RBM20: variants seen among roughly 807,000 people sequenced by gnomAD.
RBM20 encodes RNA-binding protein 20.
In RBM20, 51 loss-of-function variants were observed where a neutral mutation model predicts 110.1. The observed-to-expected ratio is 0.46, with a 90% CI of 0.37 to 0.59. RBM20 has a LOEUF of 0.59. Ranked by LOEUF, RBM20 falls within the 20% of genes least tolerant of loss-of-function variation. The probability of loss-of-function intolerance (pLI) is 0.00; values close to 1 mark genes in which losing one functional copy is unlikely to be tolerated. For missense variants in RBM20, 1,512 were observed against 1,574.9 expected (o/e 0.96, Z 0.68); for synonymous variants, 589 against 618.2 (o/e 0.95, Z 0.70).
At chr10:110,684,434 A>G (rs1258914156) in intron 1 of RBM20, among the ~76,000 whole-genome samples, 1 of 145,086 alleles carries the variant, frequency 6.9e-6, no homozygotes, top group Non-Finnish European at 1.5e-5. Context: ...CAAAAGAAAA[A>G]GAAAAAGAAA....
intron 1 of RBM20, among the ~76,000 whole-genome samples, chr10:110,705,432 C>G (rs1862821272): frequency 6.6e-6 from 1 of 152,224 alleles, no homozygotes; most frequent in African/African-American, 2.4e-5. Flanking sequence ...TGTGCTATCA[C>G]TGTTTATACC....
intron 1 of RBM20, among the ~76,000 whole-genome samples, chr10:110,664,413 C>T (rs905236370): frequency 1.3e-5 from 2 of 152,164 alleles, no homozygotes; most frequent in African/African-American, 2.4e-5. Flanking sequence ...TTACATACAT[C>T]AAATATATTA....
At chr10:110,823,704 A>C in intron 12 of RBM20, 90 bp downstream of exon 12, 2 of 1,412,056 alleles carry the variant, frequency 1.4e-6, no homozygotes, top group Non-Finnish European at 1.9e-6. Flanking sequence ...GCTTTTTGGC[A>C]TTTTGTTGTT....
intron 1 of RBM20, among the ~76,000 whole-genome samples, chr10:110,697,893 C>A (rs1862689208): frequency 6.7e-6 from 1 of 150,100 alleles, no homozygotes; most frequent in Non-Finnish European, 1.5e-5. Context: ...GAAACAGGGG[C>A]CTTGTTTCTT....
chr10:110,822,399 C>G (rs1290724377), intron 11 of RBM20: 1 of 458,690 alleles, frequency 2.2e-6, no homozygotes, highest in Non-Finnish European at 4.4e-6. Flanking sequence ...TGTTCCCCTT[C>G]TTACTACCTC....
At chr10:110,708,868 A>G (rs1392457053) in intron 1 of RBM20, among the ~76,000 whole-genome samples, 1 of 152,140 alleles carries the variant, frequency 6.6e-6, no homozygotes, top group East Asian at 1.9e-4. Context: ...AATGGCTTGG[A>G]ATGATTGAGA....
intron 12 of RBM20, among the ~76,000 whole-genome samples, chr10:110,825,674 A>G (rs1034246366): frequency 2.6e-5 from 4 of 152,224 alleles, no homozygotes; most frequent in African/African-American, 7.2e-5. Flanking sequence ...CGTAAAAGCT[A>G]TGCTATAAAT....
intron 1 of RBM20, among the ~76,000 whole-genome samples, chr10:110,709,670 G>A (rs1862894355): frequency 6.6e-6 from 1 of 151,244 alleles, no homozygotes; most frequent in South Asian, 2.1e-4. Flanking sequence ...GAGCTCAGGT[G>A]ATCCTCCCTT....
chr10:110,763,751 C>CCTTTTTTTTTTTTTTTTT (rs1554896903), intron 1 of RBM20, among the ~76,000 whole-genome samples: 1 of 64,384 alleles, frequency 1.6e-5, no homozygotes, highest in African/African-American at 6.3e-5. Context: ...GGCTTCTTGG[C>CCTTTTTTTTTTTTTTTTT]TTTTTTTTTT....
At chr10:110,764,459 G>T (rs1368405593) in intron 1 of RBM20, among the ~76,000 whole-genome samples, 1 of 152,246 alleles carries the variant, frequency 6.6e-6, no homozygotes, top group Non-Finnish European at 1.5e-5. Flanking sequence ...GTGTTGATAT[G>T]TGAAGAGGCT....
intron 1 of RBM20, among the ~76,000 whole-genome samples, chr10:110,778,443 A>G (rs1241649520): frequency 2.0e-5 from 3 of 152,148 alleles, no homozygotes; most frequent in Non-Finnish European, 4.4e-5. Context: ...GTCACTTGCT[A>G]TGTCTCCCTT....
At chr10:110,714,841 G>A (rs17829496) in intron 1 of RBM20, among the ~76,000 whole-genome samples, 19,935 of 152,220 alleles carry the variant, frequency 0.13, 1,372 homozygotes, top group African/African-American at 0.17. Context: ...CAGCTGGCTT[G>A]AATTGTCTCC....
chr10:110,698,958 C>G (rs1862713219), intron 1 of RBM20, among the ~76,000 whole-genome samples: 1 of 152,176 alleles, frequency 6.6e-6, no homozygotes, highest in Non-Finnish European at 1.5e-5. Flanking sequence ...TGCTAGGGTT[C>G]TGTTATATGT....
chr10:110,781,431 T>C lies in RBM20; in HGVS notation c.822T>C (p.Gly274=), dbSNP rs1209966955. 1 of 1,551,430 alleles carries C rather than the reference T, an allele frequency of 6.4e-7. No homozygotes were observed. Among genetic ancestry groups the C allele is most frequent in the African/African-American group, 1.4e-5 (1 of 73,040 alleles). ...ACTACAGCCACACAGGGCAGGATGGTCAAGCTGCCTTTTCCAAAGATTTTT... is the reference window on the plus strand; with the variant it reads ...ACTACAGCCACACAGGGCAGGATGGCCAAGCTGCCTTTTCCAAAGATTTTT... The part of the protein sequence containing the change: ...EGHYSHTGQD[G]QAAFSKDFYG... Residue 274 remains glycine, a synonymous_variant, in exon 2 of 14, where the codon GGT becomes GGC. Transcript: ENST00000369519.
intron 12 of RBM20, among the ~76,000 whole-genome samples, chr10:110,829,919 G>A (rs943220307): frequency 5.9e-5 from 9 of 152,162 alleles, no homozygotes; most frequent in African/African-American, 1.9e-4. Flanking sequence ...GGCTTGCCCC[G>A]CAGCCTGCAA....
chr10:110,733,172 G>T (rs1843636185), intron 1 of RBM20, among the ~76,000 whole-genome samples: 2 of 152,292 alleles, frequency 1.3e-5, no homozygotes, highest in Non-Finnish European at 2.9e-5. Flanking sequence ...TCAGAAAATG[G>T]AGTTTCTTTA....
At position 110,651,216 on chromosome 10, in the gene RBM20, A is replaced by G. The variant is rs563460948; in HGVS notation, c.191+6571A>G. ...CTACTTCCTCCATCACCTGATACGGAATATGTCCCACATCAATTAAATTTA... is the reference window on the plus strand; with the variant it reads ...CTACTTCCTCCATCACCTGATACGGGATATGTCCCACATCAATTAAATTTA... On this transcript the variant is annotated intron_variant, in intron 1 of 13. Transcript: ENST00000369519. Among the ~76,000 whole-genome samples, 4 of 152,308 alleles carry G rather than the reference A, an allele frequency of 2.6e-5. No homozygotes were observed. In the East Asian group the frequency reaches 7.7e-4, roughly 29 times the overall value.
intron 12 of RBM20, among the ~76,000 whole-genome samples, chr10:110,830,021 C>T (rs111472543): frequency 9.8e-5 from 15 of 152,320 alleles, no homozygotes; most frequent in Admixed American, 4.6e-4. Context: ...CTTTGGCTGG[C>T]GCTGCACAGT....
At chr10:110,710,360 G>T (rs181895751) in intron 1 of RBM20, among the ~76,000 whole-genome samples, 1 of 152,190 alleles carries the variant, frequency 6.6e-6, no homozygotes, top group Admixed American at 6.5e-5. Flanking sequence ...CTGTGTGCTC[G>T]CACTTGCCTG....
Sources: gnomAD v4.1 joint callset for allele counts (sites outside exome capture counted in the v4.1 genomes callset) on GRCh38, gnomAD v4.1.1 for gene constraint, MANE v1.5 for transcripts, NCBI Gene and HGNC (gene_info 2026-07-23, HGNC 2026-07-21) for gene names.